Variants in STXBP5 observed in about 807,000 individuals in gnomAD.
STXBP5 encodes the protein syntaxin binding protein 5.
In STXBP5, 50 loss-of-function variants were observed where a neutral mutation model predicts 152.4. The ratio of observed to expected loss-of-function variants is 0.33; its 90% CI spans 0.26 to 0.42. STXBP5 has a LOEUF of 0.42. Among genes scored for constraint, STXBP5 ranks in the 10% least tolerant of loss-of-function variants. The probability of loss-of-function intolerance (pLI) is 1.00; values close to 1 mark genes in which losing one functional copy is unlikely to be tolerated. For synonymous variants in STXBP5, 492 were observed against 494.7 expected (o/e 0.99, Z 0.07); for missense variants, 1,167 against 1,388.6 (o/e 0.84, Z 2.54).
intron 9 of STXBP5, among the ~76,000 whole-genome samples, chr6:147,306,232 A>G (rs1020829035): frequency 6.6e-6 from 1 of 152,166 alleles, no homozygotes; most frequent in African/African-American, 2.4e-5. Context: ...TTCTTTGACA[A>G]GCACCTTGGG....
At chr6:147,353,257 A>G in intron 21 of STXBP5, 66 bp from the exon 22 acceptor site, 1 of 1,011,026 alleles carries the variant, frequency 9.9e-7, no homozygotes, top group Admixed American at 2.7e-5. Context: ...TCTATCTTGA[A>G]AATCAGTTGA....
chr6:147,318,575 A>G (rs1178709947), intron 16 of STXBP5, among the ~76,000 whole-genome samples: 1 of 152,140 alleles, frequency 6.6e-6, no homozygotes, highest in Non-Finnish European at 1.5e-5. Context: ...TTGTGATGGA[A>G]TGTTATGGCA....
intron 2 of STXBP5, among the ~76,000 whole-genome samples, chr6:147,226,956 T>A (rs1777749694): frequency 6.6e-6 from 1 of 152,140 alleles, no homozygotes; most frequent in African/African-American, 2.4e-5. Flanking sequence ...AAGCTCTGAT[T>A]TGTTTCCCCT....
intron 2 of STXBP5, among the ~76,000 whole-genome samples, chr6:147,216,622 G>A (rs916383635): frequency 7.9e-5 from 12 of 151,980 alleles, no homozygotes; most frequent in African/African-American, 2.7e-4. Context: ...ATTTTATTTA[G>A]TAAATGAGGC....
At chr6:147,252,681 A>G (rs1387040644) in intron 4 of STXBP5, among the ~76,000 whole-genome samples, 1 of 152,184 alleles carries the variant, frequency 6.6e-6, no homozygotes, top group African/African-American at 2.4e-5. Flanking sequence ...AACTTCCCCA[A>G]CCTAGCAAGA....
intron 4 of STXBP5, among the ~76,000 whole-genome samples, chr6:147,245,882 C>G (rs1778786317): frequency 6.6e-6 from 1 of 152,172 alleles, no homozygotes; most frequent in Non-Finnish European, 1.5e-5. Flanking sequence ...GCAACAGATT[C>G]TCCCCTAGAG....
chr6:147,220,245 A>G (rs1261720479), intron 2 of STXBP5, among the ~76,000 whole-genome samples: 1 of 152,074 alleles, frequency 6.6e-6, no homozygotes, highest in Non-Finnish European at 1.5e-5. Context: ...CAGACATTGT[A>G]TAGTTTCTAT....
rs953768039 is a variant in STXBP5, at chr6:147,359,461, A to T, written c.2545+138A>T. 4.9e-5 allele frequency: 51 copies of T among 1,043,886 alleles called. No individual in the cohort carries two copies. The African/African-American group carries it at 7.1e-4, about 15-fold the overall frequency. 64.7% of individuals were successfully genotyped at this position (1,043,886 alleles called of 1,614,324 possible). A position where few individuals can be genotyped will look rare whatever the true frequency, so the allele number is the denominator to read the frequency against. ...GGGACAGTGATGGCCTTATTTATTT[A>T]TTTTTTTAATTATTATACTTTAAGT... is the stretch of plus-strand genomic sequence containing the variant. On this transcript the variant is annotated intron_variant, in intron 23 of 27. Transcript: ENST00000321680.
intron 2 of STXBP5, among the ~76,000 whole-genome samples, chr6:147,206,943 A>G (rs900364359): frequency 6.6e-6 from 1 of 152,070 alleles, no homozygotes; most frequent in East Asian, 1.9e-4. Context: ...GGATTCATCT[A>G]TCTGTGGGAT....
intron 11 of STXBP5, 26 bp from the exon 12 acceptor site, chr6:147,313,858 A>G (rs1378272707): frequency 2.0e-5 from 28 of 1,430,212 alleles, no homozygotes; most frequent in Non-Finnish European, 2.7e-5. Context: ...AAATTAATAA[A>G]TACTTTTCTT....
intron 22 of STXBP5, among the ~76,000 whole-genome samples, chr6:147,355,200 A>G (rs1473501795): frequency 3.3e-5 from 5 of 152,190 alleles, no homozygotes; most frequent in Admixed American, 2.0e-4. Context: ...ATAGGAGGCA[A>G]ACATCAGAAC....
At chr6:147,345,267 G>T (rs542019967) in intron 21 of STXBP5, among the ~76,000 whole-genome samples, 2 of 152,190 alleles carry the variant, frequency 1.3e-5, no homozygotes, top group East Asian at 3.9e-4. Context: ...TATATAGAGC[G>T]TTTACAAGAT....
intron 9 of STXBP5, among the ~76,000 whole-genome samples, chr6:147,300,460 G>A (rs1181345493): frequency 6.6e-6 from 1 of 152,100 alleles, no homozygotes; most frequent in Non-Finnish European, 1.5e-5. Context: ...CATAAAAAGA[G>A]ATGCATAGAC....
At chr6:147,338,825 A>G (rs1783958126) in intron 19 of STXBP5, among the ~76,000 whole-genome samples, 2 of 151,752 alleles carry the variant, frequency 1.3e-5, no homozygotes, top group Admixed American at 6.6e-5. Flanking sequence ...GAGAAACCTT[A>G]TTCAGTTAAT....
chr6:147,369,296 T>G (rs957196233), intron 25 of STXBP5, among the ~76,000 whole-genome samples: 1 of 152,014 alleles, frequency 6.6e-6, no homozygotes, highest in Non-Finnish European at 1.5e-5. Flanking sequence ...TGATCCACGC[T>G]TCACACCATA....
intron 9 of STXBP5, chr6:147,292,932 A>G (rs1333062159): frequency 4.6e-5 from 7 of 152,270 alleles, no homozygotes; most frequent in Admixed American, 2.6e-4. Flanking sequence ...AGGCATTTGT[A>G]AATACAGTCA....
chr6:147,234,959 T>C (rs573493043), intron 2 of STXBP5, among the ~76,000 whole-genome samples: 59 of 152,140 alleles, frequency 3.9e-4, no homozygotes, highest in Admixed American at 6.5e-4. Flanking sequence ...AGAAAATAAT[T>C]TGGGCCAGCA....
At position 147,236,169 on chromosome 6, in the gene STXBP5, A is replaced by T. The variant is rs540411234; in HGVS notation, c.330+838A>T. On this transcript the variant is annotated intron_variant, in intron 3 of 27. Coordinates refer to ENST00000321680, the MANE Select transcript of STXBP5 (RefSeq NM_001127715.4). ...AGAAAGGCATCATGGGTGTAAAAAGATAATTATGACAATGTAAAAACCTCC... is the reference window on the plus strand; with the variant it reads ...AGAAAGGCATCATGGGTGTAAAAAGTTAATTATGACAATGTAAAAACCTCC... 2.6e-5 allele frequency among the ~76,000 whole-genome samples: 4 copies of T among 152,334 alleles called. No homozygotes were observed. In the East Asian group the frequency reaches 5.8e-4, roughly 22 times the overall value.
At chr6:147,262,716 A>G (rs1229817369) in intron 6 of STXBP5, among the ~76,000 whole-genome samples, 1 of 151,872 alleles carries the variant, frequency 6.6e-6, no homozygotes, top group Non-Finnish European at 1.5e-5. Context: ...TGTAGCACTA[A>G]TCACAGATTG....
Sources: gnomAD v4.1 joint callset for allele counts (sites outside exome capture counted in the v4.1 genomes callset) on GRCh38, gnomAD v4.1.1 for gene constraint, MANE v1.5 for transcripts, NCBI Gene and HGNC (gene_info 2026-07-23, HGNC 2026-07-21) for gene names.